Variants in WDR86 observed in about 807,000 individuals in gnomAD.
WDR86 encodes the protein WD repeat domain 86, also known as WD repeat-containing protein 86.
Under a neutral mutation model 36.5 loss-of-function variants are expected in WDR86, and 30 were observed. The ratio of observed to expected loss-of-function variants is 0.82; its 90% confidence interval spans 0.61 to 1.11. WDR86 has a LOEUF of 1.11. Ranked by LOEUF, WDR86 falls within the 50% of genes most tolerant of loss-of-function variation. WDR86 has a pLI of 0.00. For synonymous variants in WDR86, 255 were observed against 252.9 expected (o/e 1.01, Z -0.08); for missense variants, 545 against 561.2 (o/e 0.97, Z 0.29).
In WDR86 at chr7:151,409,700, G is replaced by T. The variant is rs1025683220; in HGVS notation, c.-111C>A. ...GCGGCCCGCGGCCATCGCGGGGAAC[G>T]GGGAGCCCGACTCCTGCGGAGGCAC... On this transcript the variant is annotated 5_prime_UTR_variant, in exon 1 of 6. Transcript: ENST00000334493. The surrounding 1 kb of genome is among the most constrained non-coding windows in gnomAD (Gnocchi z 5.2). The T allele has an allele frequency of 5.4e-6, 7 of 1,298,362 alleles. No individual in the cohort carries two copies. The highest frequency in any genetic ancestry group is 6.3e-5 in the East Asian group (2 of 31,612). 80.4% of individuals were successfully genotyped at this position (1,298,362 alleles called of 1,614,324 possible).
downstream of WDR86, among the ~76,000 whole-genome samples, chr7:151,380,603 G>C (rs1315656732): frequency 3.3e-5 from 5 of 152,116 alleles, no homozygotes; most frequent in Non-Finnish European, 7.4e-5. Context: ...CAGGTGCTGT[G>C]AGGGGTGCTG....
rs199824863 is a variant in WDR86, at chr7:151,400,179, C to G, written c.226G>C (p.Asp76His). 1.2e-6 allele frequency: 2 copies of G among 1,611,878 alleles called. No homozygotes were observed. Among genetic ancestry groups the G allele is most frequent in the African/African-American group, 2.7e-5 (2 of 74,876 alleles). Residue 76 changes from aspartate to histidine, a missense_variant, in exon 2 of 6, where the codon GAC becomes CAC. Asp to His is a moderately conservative substitution (Grantham distance 81). Transcript: ENST00000334493. ...EDEAAFTCSA[D>H]CTIRRWDVLT... ...ACGTCCCACCTCCTGATGGTGCAGT[C>G]GGCGCTGCATGTGAAGGCAGCCTCA...
At chr7:151,402,076 T>A (rs1221389923) in intron 1 of WDR86, among the ~76,000 whole-genome samples, 1,647 of 76,100 alleles carry the variant, frequency 0.022, 27 homozygotes, top group African/African-American at 0.032. Context: ...AAAAAATATA[T>A]ATATATATAT....
downstream of WDR86, chr7:151,378,034 T>C (rs1014077356): frequency 2.0e-5 from 3 of 152,240 alleles, no homozygotes; most frequent in African/African-American, 7.2e-5. Context: ...ATCAGAGATT[T>C]AGATATATTT....
At chr7:151,408,194 CTTTTCTTTTTTTTTTT>C (rs1331740945) in intron 1 of WDR86, among the ~76,000 whole-genome samples, 2 of 124,672 alleles carry the variant, frequency 1.6e-5, no homozygotes, top group Non-Finnish European at 3.4e-5. Flanking sequence ...TTTTTCTTTT[CTTTTCTTTTTTTTTTT>C]TTTTTAGACA....
At chr7:151,384,402 A>G (rs997704454) in intron 4 of WDR86, among the ~76,000 whole-genome samples, 3 of 152,256 alleles carry the variant, frequency 2.0e-5, no homozygotes, top group Non-Finnish European at 2.9e-5. Flanking sequence ...TGAAGCTTCC[A>G]GGAAAGATCT....
chr7:151,385,350 GC>G, intron 3 of WDR86, 127 bp from the exon 4 acceptor site: 1 of 1,467,516 alleles, frequency 6.8e-7, no homozygotes, highest in African/African-American at 1.4e-5. Flanking sequence ...GCCTCGAATG[GC>G]CCCGCCACCG....
chr7:151,395,164 A>T (rs1585022996), intron 3 of WDR86, among the ~76,000 whole-genome samples: 1 of 152,206 alleles, frequency 6.6e-6, no homozygotes, highest in African/African-American at 2.4e-5. Flanking sequence ...GCCACTTCCC[A>T]GTCCCCAACC....
In WDR86 at chr7:151,391,405, C is replaced by T. The variant is rs921467843; in HGVS notation, c.726+4371G>A. On this transcript the variant is annotated intron_variant, in intron 3 of 5. Transcript: ENST00000334493. The stretch of plus-strand genomic sequence containing the variant: ...TTGTAAGGCAGCAGCCTTCTAACCC[C>T]TGCAAAACTCCAATTTCCTGAGTGG... Among the ~76,000 whole-genome samples the T allele has an allele frequency of 3.3e-5, 5 of 152,360 alleles. No homozygotes were observed. The South Asian group carries it at 1.0e-3, about 32-fold the overall frequency.
rs1334082486 is a variant in WDR86 at position 151,409,677 on chromosome 7, G to A, written c.-88C>T. On this transcript the variant is annotated 5_prime_UTR_variant, in exon 1 of 6. Transcript: ENST00000334493. The surrounding 1 kb of genome is among the most constrained non-coding windows in gnomAD (Gnocchi z 5.2). ...CCGCGCGGCGGCTCCGTACGACTGC[G>A]GCCCGCGGCCATCGCGGGGAACGGG... 1 of 1,292,388 alleles carries A rather than the reference G, an allele frequency of 7.7e-7. No individual in the cohort carries two copies. Among genetic ancestry groups the A allele is most frequent in the African/African-American group, 1.5e-5 (1 of 64,542 alleles). The allele number at this position is 1,292,388 out of a possible 1,614,324, so 80.1% of individuals were successfully genotyped here. A position where few individuals can be genotyped will look rare whatever the true frequency, so the allele number is the denominator to read the frequency against.
At chr7:151,379,634 A>G (rs1040111778), downstream of WDR86, among the ~76,000 whole-genome samples, 1 of 152,174 alleles carries the variant, frequency 6.6e-6, no homozygotes, top group Non-Finnish European at 1.5e-5. Flanking sequence ...CATCTCGCAA[A>G]GCTCTCTGTG....
At chr7:151,385,359 C>T (rs1798898688) in intron 3 of WDR86, 136 bp from the exon 4 acceptor site, 2 of 1,436,464 alleles carry the variant, frequency 1.4e-6, no homozygotes, top group Admixed American at 4.4e-5. Context: ...GGCCCCGCCA[C>T]CGGCCCCACC....
At chr7:151,375,694 C>T (rs951826201), downstream of WDR86, among the ~76,000 whole-genome samples, 11 of 152,232 alleles carry the variant, frequency 7.2e-5, no homozygotes, top group African/African-American at 2.7e-4. Flanking sequence ...GGCTGGAAGC[C>T]TTCTGTGAAC....
rs1447828120 is a variant in WDR86, at chr7:151,406,207, C to T, written c.163+3220G>A. On this transcript the variant is annotated intron_variant, in intron 1 of 5. Coordinates refer to ENST00000334493, the MANE Select transcript of WDR86 (RefSeq NM_198285.3). This position sits in a 1 kb window ranked among gnomAD's most constrained non-coding sequence, Gnocchi z 4.4. ...CTCCCCACACGCCGGTTCTGCAGCC[C>T]ACTCTCCCTGGGGCCTCCGGGAGCA... Among the ~76,000 whole-genome samples, 1 of 152,220 alleles carries T rather than the reference C, an allele frequency of 6.6e-6. No individual in the cohort carries two copies. Among genetic ancestry groups the T allele is most frequent in the Admixed American group, 6.5e-5 (1 of 15,280 alleles).
chr7:151,394,562 G>A (rs1799669508), intron 3 of WDR86, among the ~76,000 whole-genome samples: 1 of 152,258 alleles, frequency 6.6e-6, no homozygotes, highest in African/African-American at 2.4e-5. Context: ...ACTGAGCCAG[G>A]AACATCTAGA....
rs539121814 is a variant in WDR86 at position 151,400,405 on chromosome 7, C to A, written c.164-164G>T. ...TTTGTTTTGTTTTGTTTTTTTGAGA[C>A]AGAGTCTCACTCTGTCACAAGGCTG... On this transcript the variant is annotated intron_variant, in intron 1 of 5. Transcript: ENST00000334493. Among the ~76,000 whole-genome samples, 37 of 152,202 alleles carry A rather than the reference C, an allele frequency of 2.4e-4. 1 individual carries two copies. Among genetic ancestry groups the A allele is most frequent in the Non-Finnish European group, 4.3e-4 (29 of 67,990 alleles).
In WDR86 at chr7:151,388,507, G is replaced by A. The variant is rs577775135; in HGVS notation, c.727-3284C>T. Among the ~76,000 whole-genome samples, 1 of 152,262 alleles carries A rather than the reference G, an allele frequency of 6.6e-6. No homozygotes were observed. Among genetic ancestry groups the A allele is most frequent in the South Asian group, 2.1e-4 (1 of 4,830 alleles). On this transcript the variant is annotated intron_variant, in intron 3 of 5. Transcript: ENST00000334493. This position sits in a 1 kb window ranked among gnomAD's most constrained non-coding sequence, Gnocchi z 4.2. ...CCCCTGGCTTTTTGACCTTGGGTTT[G>A]TCGCTTAGAAGCAGGTCCTCACACC... is the stretch of plus-strand genomic sequence containing the variant.
rs576407756 is a variant in WDR86 at position 151,382,050 on chromosome 7, G to C, written c.863-69C>G. ...CCCCCGCAAGCAGGGATGGGGCGGC[G>C]AGAGCGTGACCTGGGGCGTCTCCGA... On this transcript the variant is annotated intron_variant, in intron 4 of 5. Coordinates refer to ENST00000334493, the MANE Select transcript of WDR86 (RefSeq NM_198285.3). 7 of 1,438,596 alleles carry C rather than the reference G, an allele frequency of 4.9e-6. No homozygotes were observed. In the South Asian group the frequency reaches 7.6e-5, roughly 16 times the overall value. 89.1% of individuals were successfully genotyped at this position (1,438,596 alleles called of 1,614,324 possible).
chr7:151,375,158 C>G (rs1333561975), downstream of WDR86, among the ~76,000 whole-genome samples: 1 of 152,144 alleles, frequency 6.6e-6, no homozygotes, highest in Admixed American at 6.5e-5. Context: ...GCCCTGTTCC[C>G]CGGAAGGCTC....
Sources: gnomAD v4.1 joint callset for allele counts (sites outside exome capture counted in the v4.1 genomes callset) on GRCh38, gnomAD v4.1.1 for gene constraint, Gnocchi (gnomAD v3.1) non-coding constraint, MANE v1.5 for transcripts, NCBI Gene and HGNC (gene_info 2026-07-23, HGNC 2026-07-21) for gene names.